NEK4: variants seen among roughly 807,000 people sequenced by gnomAD.
The protein encoded by NEK4 is NIMA related kinase 4.
In NEK4, 86 loss-of-function variants were observed where a neutral mutation model predicts 98.4. That is an observed-to-expected ratio of 0.87 (90% CI 0.73 to 1.05). The LOEUF is 1.05. NEK4 is among the 50% of genes least tolerant of loss of function. The pLI, the probability that NEK4 is intolerant of heterozygous loss-of-function variation, is 0.00. For missense variants in NEK4, 898 were observed against 950.3 expected (o/e 0.94, Z 0.72); for synonymous variants, 328 against 342.2 (o/e 0.96, Z 0.46).
chr3:52,770,928 C>T lies in NEK4; in HGVS notation c.-182G>A, dbSNP rs1698764534. On this transcript the variant is annotated 5_prime_UTR_variant, in exon 1 of 16. Transcript: ENST00000233027. ...ACGCCGCTGCCATAGCGATCCGGGCCGGGAGCAGTTCTGCGCATGCTCCTG... is the reference window on the plus strand; with the variant it reads ...ACGCCGCTGCCATAGCGATCCGGGCTGGGAGCAGTTCTGCGCATGCTCCTG... 2.1e-5 allele frequency: 13 copies of T among 607,828 alleles called. No individual in the cohort carries two copies. The highest frequency in any genetic ancestry group is 3.2e-5 in the Non-Finnish European group (11 of 345,366). 37.7% of individuals were successfully genotyped at this position (607,828 alleles called of 1,614,324 possible).
Position 52,746,846 on chromosome 3 carries a change from T to C in NEK4, c.1565A>G (p.Gln522Arg). The C allele has an allele frequency of 6.2e-7, 1 of 1,613,908 alleles. No individual in the cohort carries two copies. The highest frequency in any genetic ancestry group is 8.5e-7 in the Non-Finnish European group (1 of 1,179,784). The change falls in exon 9 of 16, where the codon CAG becomes CGG. Residue 522 changes from glutamine (Q) to arginine (R), a missense_variant. Transcript: ENST00000233027. Reference protein sequence around the residue: ...EKQGRIHPDLQPHNSGSEPSL... With the variant: ...EKQGRIHPDLRPHNSGSEPSL... ...AGGTTCAGACCCAGAGTTGTGTGGC[T>C]GTAAATCTGGGTGGATTCTGCCCTG...
intron 2 of NEK4, 138 bp from the exon 3 acceptor site, chr3:52,766,513 T>C (rs1013605569): frequency 1.1e-5 from 7 of 630,550 alleles, no homozygotes; most frequent in African/African-American, 1.8e-5. Context: ...AATTCCTTAT[T>C]CAACAAGCAA....
chr3:52,770,156 C>T (rs938500254), intron 1 of NEK4, among the ~76,000 whole-genome samples: 2 of 152,016 alleles, frequency 1.3e-5, no homozygotes, highest in Non-Finnish European at 2.9e-5. Flanking sequence ...TTCACTGAAA[C>T]GGAAGACATG....
chr3:52,750,278 T>A (rs1357838747), intron 7 of NEK4, among the ~76,000 whole-genome samples: 1 of 152,212 alleles, frequency 6.6e-6, no homozygotes, highest in South Asian at 2.1e-4. Context: ...CTGGGTGTGG[T>A]GGCTCACACC....
intron 6 of NEK4, among the ~76,000 whole-genome samples, chr3:52,752,561 G>A (rs185767449): frequency 1.3e-4 from 20 of 152,050 alleles, no homozygotes; most frequent in Non-Finnish European, 2.1e-4. Context: ...GTCAAAAGGC[G>A]GAAACAACCC....
Position 52,711,660 on chromosome 3 carries a change from A to G in NEK4, c.*117T>C. The G allele has an allele frequency of 1.5e-6, 1 of 657,378 alleles. No homozygotes were observed. The highest frequency in any genetic ancestry group is 2.6e-5 in the East Asian group (1 of 38,370). The allele number at this position is 657,378 out of a possible 1,614,324, so 40.7% of individuals were successfully genotyped here. On this transcript the variant is annotated 3_prime_UTR_variant, in exon 16 of 16. Transcript: ENST00000233027. ...CTGTAGGGAAACGCCAAAGAGATAT[A>G]AAAAAGAGATATAAAACAGTGGTGA...
At chr3:52,730,111 A>G (rs115968346) in intron 15 of NEK4, among the ~76,000 whole-genome samples, 2,520 of 152,340 alleles carry the variant, frequency 0.017, 79 homozygotes, top group African/African-American at 0.057. Context: ...TATCTCAAAA[A>G]TAAATAAATA....
intron 5 of NEK4, among the ~76,000 whole-genome samples, chr3:52,762,976 AC>A (rs1168262733): frequency 3.3e-5 from 5 of 152,320 alleles, no homozygotes; most frequent in African/African-American, 1.2e-4. Flanking sequence ...CATATGAAAT[AC>A]GTCCTCCCTG....
chr3:52,740,596 G>C (rs947690458), intron 13 of NEK4, among the ~76,000 whole-genome samples: 4 of 152,032 alleles, frequency 2.6e-5, no homozygotes, highest in African/African-American at 9.6e-5. Flanking sequence ...TCAGGAGTTC[G>C]AGACCAGCCT....
At chr3:52,732,990 T>C (rs1263971001) in intron 15 of NEK4, 4 of 217,980 alleles carry the variant, frequency 1.8e-5, no homozygotes, top group African/African-American at 4.6e-5. Context: ...TTACAAACCA[T>C]AGTTCCTCAG....
chr3:52,711,585 T>C lies in NEK4; in HGVS notation c.*192A>G. The stretch of plus-strand genomic sequence containing the variant: ...AGAGAATATGAAAGCCAAAGTTTTT[T>C]TTCTTTTGTGATCCTGCTTCATATT... On this transcript the variant is annotated 3_prime_UTR_variant, in exon 16 of 16. Transcript: ENST00000233027. 2.3e-6 allele frequency: 1 copy of C among 430,034 alleles called. No homozygotes were observed. The highest frequency in any genetic ancestry group is 6.2e-5 in the South Asian group (1 of 16,074). 26.6% of individuals were successfully genotyped at this position (430,034 alleles called of 1,614,324 possible).
At chr3:52,719,730 T>A (rs2097358468) in intron 15 of NEK4, among the ~76,000 whole-genome samples, 1 of 150,782 alleles carries the variant, frequency 6.6e-6, no homozygotes, top group Non-Finnish European at 1.5e-5. Context: ...CAGAAAAAAA[T>A]TATTAATTTA....
chr3:52,719,760 T>G (rs1219279171), intron 15 of NEK4, among the ~76,000 whole-genome samples: 1 of 152,022 alleles, frequency 6.6e-6, no homozygotes, highest in Non-Finnish European at 1.5e-5. Flanking sequence ...ATGGAAATTC[T>G]AGAGCTAAAA....
chr3:52,748,413 T>C (rs2097400030), intron 8 of NEK4, among the ~76,000 whole-genome samples: 1 of 152,226 alleles, frequency 6.6e-6, no homozygotes, highest in Non-Finnish European at 1.5e-5. Context: ...ATAAAAATAA[T>C]TGTTTTAATT....
At chr3:52,723,042 A>T (rs182576602) in intron 15 of NEK4, among the ~76,000 whole-genome samples, 54 of 152,138 alleles carry the variant, frequency 3.5e-4, no homozygotes, top group Non-Finnish European at 7.5e-4. Context: ...TGTCTCTACA[A>T]AAAAATTTTA....
rs766163175 is a variant in NEK4, at chr3:52,752,193, G to A, written c.1107C>T (p.Ile369=). 4.0e-5 allele frequency: 65 copies of A among 1,614,044 alleles called. No homozygotes were observed. Among genetic ancestry groups the A allele is most frequent in the Non-Finnish European group, 5.1e-5 (60 of 1,180,042 alleles). ...LATISSVNID[I]LPAKGRDSVS... is the part of the protein sequence containing the mutation. The stretch of plus-strand genomic sequence containing the variant: ...CTGAATCCCTCCCTTTTGCAGGTAA[G>A]ATGTCAATATTTACGCTACTGATTG... The change falls in exon 7 of 16, where the codon ATC becomes ATT. Residue 369 remains isoleucine (I), a synonymous_variant. Transcript: ENST00000233027.
At chr3:52,755,464 T>C (rs1359413795) in intron 6 of NEK4, among the ~76,000 whole-genome samples, 1 of 151,982 alleles carries the variant, frequency 6.6e-6, no homozygotes, top group Non-Finnish European at 1.5e-5. Flanking sequence ...GTGATGATTT[T>C]CAGGGCTGTG....
intron 15 of NEK4, among the ~76,000 whole-genome samples, chr3:52,721,236 T>C (rs2097359766): frequency 6.6e-6 from 1 of 152,246 alleles, no homozygotes. Flanking sequence ...TACTGATAGC[T>C]GATTGCTGCT....
At chr3:52,769,676 A>G (rs1698707102) in intron 1 of NEK4, among the ~76,000 whole-genome samples, 1 of 152,166 alleles carries the variant, frequency 6.6e-6, no homozygotes, top group Admixed American at 6.5e-5. Context: ...ATTGGGCCCT[A>G]TATTTAGGGG....
Sources: gnomAD v4.1 joint callset for allele counts (sites outside exome capture counted in the v4.1 genomes callset) on GRCh38, gnomAD v4.1.1 for gene constraint, MANE v1.5 for transcripts, NCBI Gene and HGNC (gene_info 2026-07-23, HGNC 2026-07-21) for gene names.